The following FER variants were observed in gnomAD, a reference collection of about 807,000 sequenced individuals.
FER encodes FER tyrosine kinase, also known as tyrosine-protein kinase Fer.
In FER, 63 loss-of-function variants were observed where a neutral mutation model predicts 111.0. The observed-to-expected ratio is 0.57, with a 90% CI of 0.46 to 0.70. FER has a LOEUF of 0.70. Among genes scored for constraint, FER ranks in the 30% least tolerant of loss-of-function variants. The pLI is 0.00. For synonymous variants in FER, 327 were observed against 313.9 expected, an observed-to-expected ratio of 1.04 and a Z score of -0.44; for missense variants, 914 against 954.0, an observed-to-expected ratio of 0.96 and a Z score of 0.55.
intron 17 of FER, among the ~76,000 whole-genome samples, chr5:109,121,116 G>A (rs182339956): frequency 1.3e-5 from 2 of 152,000 alleles, no homozygotes; most frequent in Admixed American, 1.3e-4. Flanking sequence ...CTCTAGCTAG[G>A]AATTCCATAC....
intron 1 of FER, among the ~76,000 whole-genome samples, chr5:108,756,192 T>C (rs1751095056): frequency 6.6e-6 from 1 of 150,550 alleles, no homozygotes; most frequent in African/African-American, 2.4e-5. Flanking sequence ...ATAAATACAA[T>C]AAAAAGAAAA....
rs144409158 is a variant in FER at position 109,111,174 on chromosome 5, A to G, written c.2048+10655A>G. 9.9e-5 allele frequency among the ~76,000 whole-genome samples: 15 copies of G among 152,276 alleles called. No individual in the cohort carries two copies. In the East Asian group the frequency reaches 2.9e-3, roughly 29 times the overall value. On this transcript the variant is annotated intron_variant, in intron 17 of 19. Coordinates refer to ENST00000281092, the MANE Select transcript of FER (RefSeq NM_005246.4). ...ATAAGTAAAATTAAATATGTGTATAATTTATAGAGGGTTATATTTTCCATC... is the reference window on the plus strand; with the variant it reads ...ATAAGTAAAATTAAATATGTGTATAGTTTATAGAGGGTTATATTTTCCATC...
At chr5:108,924,827 G>A in intron 10 of FER, 1 of 1,223,736 alleles carries the variant, frequency 8.2e-7, no homozygotes. Context: ...CTTTACCCAG[G>A]GCCCCAGACA....
intron 17 of FER, among the ~76,000 whole-genome samples, chr5:109,121,834 G>A (rs575768226): frequency 2.6e-5 from 4 of 152,018 alleles, no homozygotes; most frequent in Non-Finnish European, 5.9e-5. Flanking sequence ...TAGGTTTTAT[G>A]TGTCTAGGAA....
Position 108,892,541 on chromosome 5 carries a change from G to C in FER, c.1047-5118G>C, listed in dbSNP as rs1177427033. ...TTGTTTTTTTCTTGTAAATTTGTTT[G>C]AGTTCATTGTAGATTCTGGATATTA... is the stretch of plus-strand genomic sequence containing the variant. On this transcript the variant is annotated intron_variant, in intron 9 of 19. Coordinates refer to ENST00000281092, the MANE Select transcript of FER (RefSeq NM_005246.4). Among the ~76,000 whole-genome samples the C allele has an allele frequency of 3.3e-5, 5 of 151,890 alleles. No homozygotes were observed. In the East Asian group the frequency reaches 7.7e-4, roughly 23 times the overall value.
chr5:109,075,587 A>C (rs188746536), intron 16 of FER, among the ~76,000 whole-genome samples: 4 of 151,788 alleles, frequency 2.6e-5, no homozygotes, highest in Admixed American at 2.6e-4. Context: ...CCACACCCGG[A>C]TAATTTTTTG....
intron 9 of FER, chr5:108,894,568 C>G: frequency 2.4e-6 from 1 of 411,190 alleles, no homozygotes; most frequent in South Asian, 2.2e-5. Flanking sequence ...ATGCTCAGGT[C>G]ATTCTTGAGT....
chr5:108,760,971 C>G (rs573467566), intron 1 of FER, among the ~76,000 whole-genome samples: 79 of 151,788 alleles, frequency 5.2e-4, no homozygotes, highest in African/African-American at 1.8e-3. Context: ...CGCTCTGTTG[C>G]CCAGGCTGGA....
At chr5:108,869,527 A>G (rs953676335) in intron 6 of FER, among the ~76,000 whole-genome samples, 4 of 152,108 alleles carry the variant, frequency 2.6e-5, no homozygotes, top group African/African-American at 9.7e-5. Flanking sequence ...CCTAAATCCA[A>G]TGGCTGGAGT....
intron 16 of FER, among the ~76,000 whole-genome samples, chr5:109,093,462 G>A (rs914402570): frequency 6.6e-6 from 1 of 151,938 alleles, no homozygotes; most frequent in Non-Finnish European, 1.5e-5. Context: ...TTCTGACTAC[G>A]ACCAACACAT....
chr5:108,799,961 G>A (rs549627185), intron 3 of FER, among the ~76,000 whole-genome samples: 1 of 151,112 alleles, frequency 6.6e-6, no homozygotes, highest in East Asian at 2.0e-4. Context: ...TTGTGTCTCC[G>A]CCTCATGAGT....
intron 2 of FER, among the ~76,000 whole-genome samples, chr5:108,780,378 TG>T (rs201723288): frequency 8.3e-6 from 1 of 119,942 alleles, no homozygotes; most frequent in African/African-American, 4.0e-5. Flanking sequence ...TCTAGGTTAG[TG>T]GGTTTTTTTT....
At chr5:108,971,952 GT>G (rs905433317) in intron 13 of FER, among the ~76,000 whole-genome samples, 1 of 151,478 alleles carries the variant, frequency 6.6e-6, no homozygotes, top group Non-Finnish European at 1.5e-5. Flanking sequence ...AATTGTTGAA[GT>G]TTTTTTTCCC....
At chr5:108,891,877 A>C (rs1299096832) in intron 9 of FER, among the ~76,000 whole-genome samples, 1 of 151,382 alleles carries the variant, frequency 6.6e-6, no homozygotes, top group Non-Finnish European at 1.5e-5. Context: ...ATGTGTTCTC[A>C]TTGTTCAATT....
intron 9 of FER, among the ~76,000 whole-genome samples, chr5:108,888,355 T>G (rs1353159270): frequency 6.6e-6 from 1 of 151,942 alleles, no homozygotes; most frequent in Non-Finnish European, 1.5e-5. Context: ...CTTACACTTT[T>G]GTGGAGGAAA....
At chr5:109,013,873 A>G (rs1322075611) in intron 13 of FER, among the ~76,000 whole-genome samples, 2 of 151,730 alleles carry the variant, frequency 1.3e-5, no homozygotes, top group Non-Finnish European at 2.9e-5. Flanking sequence ...GGCTGCATAA[A>G]TGTCTTCTTT....
intron 16 of FER, among the ~76,000 whole-genome samples, chr5:109,092,078 G>A: frequency 6.6e-6 from 1 of 151,642 alleles, no homozygotes; most frequent in African/African-American, 2.4e-5. Context: ...CAAAGATCAG[G>A]CCCTCACCAG....
intron 10 of FER, among the ~76,000 whole-genome samples, chr5:108,922,575 A>G (rs933229200): frequency 3.3e-5 from 5 of 152,296 alleles, no homozygotes; most frequent in African/African-American, 9.6e-5. Context: ...TGATTTTATG[A>G]GCCTGGGTAA....
chr5:108,962,422 C>T (rs1255147849), intron 13 of FER, among the ~76,000 whole-genome samples: 3 of 152,176 alleles, frequency 2.0e-5, no homozygotes, highest in Admixed American at 6.5e-5. Flanking sequence ...ACACATCAAG[C>T]CCTTTTGCTC....
Sources: gnomAD v4.1 joint callset for allele counts (sites outside exome capture counted in the v4.1 genomes callset) on GRCh38, gnomAD v4.1.1 for gene constraint, MANE v1.5 for transcripts, NCBI Gene and HGNC (gene_info 2026-07-23, HGNC 2026-07-21) for gene names.